DLGAP2: variants seen among roughly 807,000 people sequenced by gnomAD.
The protein encoded by DLGAP2 is DLG associated protein 2.
A neutral mutation model predicts 100.3 loss-of-function variants in DLGAP2; 26 were observed. The observed-to-expected ratio is 0.26, with a 90% CI of 0.19 to 0.36. The LOEUF (loss-of-function observed/expected upper bound fraction) is 0.36, where lower values mean the gene tolerates loss of function less well. Ranked by LOEUF, DLGAP2 falls within the 10% of genes least tolerant of loss-of-function variation. The pLI is 1.00. For synonymous variants in DLGAP2, 886 were observed against 630.1 expected (o/e 1.41, Z -6.08); for missense variants, 1,858 against 1,453.2 (o/e 1.28, Z -4.53).
rs1269576236 is a variant in DLGAP2 at position 920,045 on chromosome 8, A to C, written c.73+12079A>C. ...GGCCATGATTTGTTACAGAGAAAGC[A>C]CGCGGAGCATGGTCAGCAGAGCGAG... On this transcript the variant is annotated intron_variant, in intron 2 of 14. Coordinates refer to ENST00000637795, the MANE Select transcript of DLGAP2 (RefSeq NM_001346810.2). 2.6e-5 allele frequency among the ~76,000 whole-genome samples: 4 copies of C among 152,174 alleles called. No individual in the cohort carries two copies. In the East Asian group the frequency reaches 7.7e-4, roughly 29 times the overall value.
chr8:839,380 A>C (rs888221302), intron 1 of DLGAP2, among the ~76,000 whole-genome samples: 8 of 152,376 alleles, frequency 5.3e-5, no homozygotes, highest in Admixed American at 6.5e-5. Flanking sequence ...ATAGATGCAC[A>C]ATGGAATACT....
intron 2 of DLGAP2, among the ~76,000 whole-genome samples, chr8:997,124 A>T (rs1156383520): frequency 6.6e-6 from 1 of 152,220 alleles, no homozygotes; most frequent in African/African-American, 2.4e-5. Context: ...AAAACAAGTT[A>T]TAGAATAGCA....
In DLGAP2 at chr8:1,467,081, A is replaced by G. The variant is rs577251577; in HGVS notation, c.107-34285A>G. Among the ~76,000 whole-genome samples, 39 of 139,876 alleles carry G rather than the reference A, an allele frequency of 2.8e-4. 1 individual carries two copies. Among genetic ancestry groups the G allele is most frequent in the African/African-American group, 1.2e-3 (35 of 30,278 alleles). 91.8% of individuals were successfully genotyped at this position (139,876 alleles called of 152,430 possible). A position where few individuals can be genotyped will look rare whatever the true frequency, so the allele number is the denominator to read the frequency against. On this transcript the variant is annotated intron_variant, in intron 3 of 14. Transcript: ENST00000637795. ...AAGACGGATGCCCGGCCCCGGGACC[A>G]GGATGGTCAGTCCCAGATCCAGCCA...
chr8:1,494,991 G>T (rs1337601401), intron 3 of DLGAP2, among the ~76,000 whole-genome samples: 1 of 152,202 alleles, frequency 6.6e-6, no homozygotes, highest in East Asian at 1.9e-4. Flanking sequence ...AGATATGCCT[G>T]TTGGCAAATG....
At chr8:755,774 A>G (rs1025327880) in intron 1 of DLGAP2, among the ~76,000 whole-genome samples, 2 of 152,190 alleles carry the variant, frequency 1.3e-5, no homozygotes, top group African/African-American at 4.8e-5. Flanking sequence ...CCTCTGGGTG[A>G]TGCCCCCAGG....
Position 1,103,417 on chromosome 8 carries a change from T to C in DLGAP2, c.74-155434T>C, listed in dbSNP as rs186783606. 3.1e-4 allele frequency among the ~76,000 whole-genome samples: 47 copies of C among 151,260 alleles called. 1 individual carries two copies. Among genetic ancestry groups the C allele is most frequent in the African/African-American group, 9.5e-4 (39 of 41,122 alleles). On this transcript the variant is annotated intron_variant, in intron 2 of 14. Transcript: ENST00000637795. ...CTGGCAGGGCCTTGTTTAACGGTGA[T>C]GACTGGCAGGGCTTTGGTTAACGGT...
intron 2 of DLGAP2, among the ~76,000 whole-genome samples, chr8:953,376 C>G (rs1245908321): frequency 6.6e-6 from 1 of 151,870 alleles, no homozygotes. Context: ...GTATTTTTAG[C>G]AGAGACGGGA....
At chr8:1,327,332 C>A (rs903227389) in intron 3 of DLGAP2, among the ~76,000 whole-genome samples, 2 of 152,228 alleles carry the variant, frequency 1.3e-5, no homozygotes, top group African/African-American at 4.8e-5. Flanking sequence ...TCCACGGGGA[C>A]TGCAGTGGGT....
chr8:1,302,531 A>G (rs1170058287), intron 3 of DLGAP2: 2 of 151,500 alleles, frequency 1.3e-5, no homozygotes, highest in Non-Finnish European at 2.9e-5. Flanking sequence ...GCTCTGCTCC[A>G]TACCCGGGAC....
intron 3 of DLGAP2, among the ~76,000 whole-genome samples, chr8:1,346,140 C>T (rs576502325): frequency 5.9e-5 from 9 of 152,298 alleles, no homozygotes; most frequent in African/African-American, 1.9e-4. Context: ...AGCCCATACA[C>T]GTCTGCACTG....
At chr8:1,529,863 T>C (rs1237514420) in intron 4 of DLGAP2, among the ~76,000 whole-genome samples, 1 of 152,198 alleles carries the variant, frequency 6.6e-6, no homozygotes, top group Non-Finnish European at 1.5e-5. Flanking sequence ...GTACGTTCCA[T>C]GATGCCCCAC....
At chr8:1,498,913 A>G (rs1799624939) in intron 3 of DLGAP2, among the ~76,000 whole-genome samples, 1 of 152,220 alleles carries the variant, frequency 6.6e-6, no homozygotes, top group South Asian at 2.1e-4. Flanking sequence ...CTAGAAGGCC[A>G]CACCGCACTC....
At chr8:1,277,088 G>T (rs749246317) in intron 3 of DLGAP2, among the ~76,000 whole-genome samples, 5 of 152,090 alleles carry the variant, frequency 3.3e-5, no homozygotes, top group Non-Finnish European at 7.4e-5. Flanking sequence ...GTACCTTCTG[G>T]AATATTATGT....
chr8:870,512 G>A (rs574788113), intron 1 of DLGAP2, among the ~76,000 whole-genome samples: 10 of 152,066 alleles, frequency 6.6e-5, no homozygotes, highest in Non-Finnish European at 1.5e-4. Context: ...CCCCTTTGCC[G>A]TCTGTCTCCT....
rs1448241694 is a variant in DLGAP2 at position 1,411,868 on chromosome 8, G to C, written c.107-89498G>C. On this transcript the variant is annotated intron_variant, in intron 3 of 14. Coordinates refer to ENST00000637795, the MANE Select transcript of DLGAP2 (RefSeq NM_001346810.2). ...CATGAGCCGTCGTGTGGGCCCTGGT[G>C]GTGCGGCACACTCATCCAGGCCTTT... is the stretch of plus-strand genomic sequence containing the variant. 3.3e-5 allele frequency among the ~76,000 whole-genome samples: 5 copies of C among 152,234 alleles called. No individual in the cohort carries two copies. The South Asian group carries it at 1.0e-3, about 32-fold the overall frequency.
At chr8:893,570 C>G (rs1216272319) in intron 1 of DLGAP2, among the ~76,000 whole-genome samples, 1 of 152,218 alleles carries the variant, frequency 6.6e-6, no homozygotes. Flanking sequence ...AGCTGCCCTT[C>G]CATCCAGTGT....
chr8:1,060,341 C>T (rs1051926316), intron 2 of DLGAP2, among the ~76,000 whole-genome samples: 4 of 65,944 alleles, frequency 6.1e-5, no homozygotes, highest in Non-Finnish European at 1.5e-4. Context: ...TTGGTCCCTC[C>T]GCTGAGTGCT....
chr8:1,108,193 G>A (rs888703208), intron 2 of DLGAP2, among the ~76,000 whole-genome samples: 2 of 152,194 alleles, frequency 1.3e-5, no homozygotes, highest in Admixed American at 1.3e-4. Context: ...TGAATTGGCT[G>A]TCACTGTCCT....
At chr8:1,620,839 C>A (rs1256123467) in intron 6 of DLGAP2, among the ~76,000 whole-genome samples, 2 of 152,204 alleles carry the variant, frequency 1.3e-5, no homozygotes, top group South Asian at 2.1e-4. Flanking sequence ...ACTTGCAGTA[C>A]TTTTCTTTTG....
Sources: gnomAD v4.1 joint callset for allele counts (sites outside exome capture counted in the v4.1 genomes callset) on GRCh38, gnomAD v4.1.1 for gene constraint, MANE v1.5 for transcripts, NCBI Gene and HGNC (gene_info 2026-07-23, HGNC 2026-07-21) for gene names.